The following WFS1 variants were observed in gnomAD, a reference collection of about 807,000 sequenced individuals.
The protein encoded by WFS1 is wolframin.
WFS1 carries 90 observed loss-of-function variants against 68.5 expected under a neutral mutation model. The observed-to-expected ratio is 1.31, with a 90% confidence interval of 1.11 to 1.56. The LOEUF is 1.56. WFS1 is among the 40% of genes most tolerant of loss of function. The pLI is 0.00. For synonymous variants in WFS1, 860 were observed against 540.7 expected (o/e 1.59, Z -8.19); for missense variants, 1,767 against 1,232.6 (o/e 1.43, Z -6.49).
At position 6,291,366 on chromosome 4, in the gene WFS1, C is replaced by T. The variant is rs144851092; in HGVS notation, c.630C>T (p.His210=). The T allele has an allele frequency of 1.6e-5, 26 of 1,612,162 alleles. No individual in the cohort carries two copies. The highest frequency in any genetic ancestry group is 2.0e-5 in the Non-Finnish European group (24 of 1,179,976). Residue 210 remains histidine, a splice_region_variant and synonymous_variant, in exon 5 of 8, where the codon CAC becomes CAT. Transcript: ENST00000226760. The stretch of plus-strand genomic sequence containing the variant: ...AGAATGTCGGCCAGGTCAACGAGCA[C>T]GGTGCGAGGATTCACCCTGGGCACC... ...LLENVGQVNE[H]DGGAQPGPVP...
chr4:6,275,876 T>C (rs55733627), intron 1 of WFS1, among the ~76,000 whole-genome samples: 1 of 152,064 alleles, frequency 6.6e-6, no homozygotes, highest in African/African-American at 2.4e-5. Context: ...AAGCGCTGGG[T>C]GTTCAGAGGT....
chr4:6,280,326 C>T (rs965969417), intron 2 of WFS1, among the ~76,000 whole-genome samples: 4 of 152,326 alleles, frequency 2.6e-5, no homozygotes, highest in South Asian at 2.1e-4. Context: ...GGGCAGGGGC[C>T]GTTTCTTCAC....
Position 6,277,561 on chromosome 4 carries a change from G to A in WFS1, c.106G>A (p.Glu36Lys), listed in dbSNP as rs769712303. The A allele has an allele frequency of 6.3e-7, 1 of 1,589,764 alleles. No individual in the cohort carries two copies. Among genetic ancestry groups the A allele is most frequent in the Non-Finnish European group, 8.6e-7 (1 of 1,168,686 alleles). The part of the protein sequence containing the change: ...RLNATASLEQ[E>K]RSERPRAPGP... ...CAATGCCACAGCCTCGTTGGAGCAGGAGAGGAGCGAAAGGCCCCGAGCACC... is the reference window on the plus strand; with the variant it reads ...CAATGCCACAGCCTCGTTGGAGCAGAAGAGGAGCGAAAGGCCCCGAGCACC... The change falls in exon 2 of 8, where the codon GAG (glutamate) becomes AAG (lysine). Residue 36 changes from glutamate to lysine, a missense_variant. Glu to Lys is a moderately conservative substitution (Grantham distance 56). Coordinates refer to ENST00000226760, the MANE Select transcript of WFS1 (RefSeq NM_006005.3).
rs866106349 is a variant in WFS1, at chr4:6,289,148, C to T, written c.460+17C>T. The T allele has an allele frequency of 1.3e-6, 2 of 1,565,144 alleles. No homozygotes were observed. Among genetic ancestry groups the T allele is most frequent in the Middle Eastern group, 1.8e-4 (1 of 5,612 alleles). ...ACAGAAGAGGTGGGTCTGTGTGAGG[C>T]TTAGAACAGCCTCTGGAGGGTTGAG... On this transcript the variant is annotated intron_variant, in intron 4 of 7. Transcript: ENST00000226760.
At chr4:6,291,012 T>G (rs1730445693) in intron 4 of WFS1, among the ~76,000 whole-genome samples, 185 bp from the exon 5 acceptor site, 1 of 127,440 alleles carries the variant, frequency 7.8e-6, no homozygotes, top group East Asian at 2.8e-4. Context: ...GCCTCCCAGC[T>G]GGAGAGTGGG....
intron 1 of WFS1, among the ~76,000 whole-genome samples, chr4:6,276,937 C>A (rs1314785255): frequency 6.6e-6 from 1 of 152,206 alleles, no homozygotes; most frequent in African/African-American, 2.4e-5. Flanking sequence ...TTCCTATAGG[C>A]CATCAGCTCT....
At chr4:6,275,506 C>A (rs1012690755) in intron 1 of WFS1, among the ~76,000 whole-genome samples, 1 of 151,230 alleles carries the variant, frequency 6.6e-6, no homozygotes, top group African/African-American at 2.4e-5. Flanking sequence ...AGCAGGCTCC[C>A]AAGCTTGACC....
chr4:6,294,525 G>A (rs1411174238), intron 6 of WFS1, among the ~76,000 whole-genome samples: 1 of 152,194 alleles, frequency 6.6e-6, no homozygotes, highest in Non-Finnish European at 1.5e-5. Flanking sequence ...GGATGGAGCG[G>A]TTTAGCAGGT....
Position 6,295,194 on chromosome 4 carries a change from G to A in WFS1, c.861+5G>A. 1 of 1,611,402 alleles carries A rather than the reference G, an allele frequency of 6.2e-7. No individual in the cohort carries two copies. The highest frequency in any genetic ancestry group is 8.5e-7 in the Non-Finnish European group (1 of 1,180,032). ...GACCTGCCACTGCGTCTGAAGGTGA[G>A]TGACCAAGACCCCGGTCAGGCCGGA... On this transcript the variant is annotated splice_donor_5th_base_variant and intron_variant, in intron 7 of 7. Transcript: ENST00000226760.
intron 2 of WFS1, among the ~76,000 whole-genome samples, chr4:6,280,926 C>A (rs1011981645): frequency 1.3e-4 from 20 of 152,222 alleles, no homozygotes; most frequent in African/African-American, 4.8e-4. Flanking sequence ...ACTCTCATCT[C>A]TACAAGTCTC....
intron 1 of WFS1, among the ~76,000 whole-genome samples, chr4:6,270,888 G>A (rs1003977226): frequency 1.3e-5 from 2 of 152,340 alleles, no homozygotes; most frequent in East Asian, 3.9e-4. Flanking sequence ...GCTCAGCAGG[G>A]TTTGGTGCCA....
rs761320763 is a variant in WFS1, at chr4:6,300,891, C to T, written c.1096C>T (p.Gln366Ter). The change falls in exon 8 of 8, where the codon CAG becomes TAG. Residue 366 changes from glutamine (Q) to a stop codon, truncating the protein, a stop_gained. Coordinates refer to ENST00000226760, the MANE Select transcript of WFS1 (RefSeq NM_006005.3). LOFTEE classifies it high-confidence loss of function. ...SMVICTLKVFQDSKAWENFRT... is the reference protein window; with the variant it reads ...SMVICTLKVF ...GGTGATCTGCACCCTCAAGGTGTTC[C>T]AGGACAGCAAGGCCTGGGAGAACTT... 1.2e-5 allele frequency: 20 copies of T among 1,614,032 alleles called. No homozygotes were observed. Among genetic ancestry groups the T allele is most frequent in the African/African-American group, 2.7e-5 (2 of 74,896 alleles).
rs372102462 is a variant in WFS1, at chr4:6,302,027, T to G, written c.2232T>G (p.Pro744=). The stretch of plus-strand genomic sequence containing the variant: ...GCGAGGCCTACCCTGCCTGCAGCCC[T>G]GGCAACACCTCCACGGCCGAGGAGG... ...LYGEAYPACS[P]GNTSTAEEEL... The change falls in exon 8 of 8, where the codon CCT becomes CCG. Residue 744 remains proline (P), a synonymous_variant. Coordinates refer to ENST00000226760, the MANE Select transcript of WFS1 (RefSeq NM_006005.3). 7.4e-6 allele frequency: 12 copies of G among 1,612,660 alleles called. No homozygotes were observed. Among genetic ancestry groups the G allele is most frequent in the South Asian group, 1.1e-5 (1 of 91,060 alleles).
rs1226756396 is a variant in WFS1 at position 6,302,712 on chromosome 4, CCTTT to C, written c.*247_*250del. The C allele has an allele frequency of 9.7e-6, 6 of 619,118 alleles. No homozygotes were observed. The highest frequency in any genetic ancestry group is 3.7e-5 in the African/African-American group (2 of 54,170). 38.4% of individuals were successfully genotyped at this position (619,118 alleles called of 1,614,324 possible). A position where few individuals can be genotyped will look rare whatever the true frequency, so the allele number is the denominator to read the frequency against. On this transcript the variant is annotated 3_prime_UTR_variant, in exon 8 of 8. Transcript: ENST00000226760. ...CATGCCATCTCCACCCTGAGCCTGA[CCTTT>C]CTGAGTGACATGGGTGTGCCAGGCT... is the stretch of plus-strand genomic sequence containing the variant.
Position 6,298,410 on chromosome 4 carries a change from C to T in WFS1, c.862-2247C>T, listed in dbSNP as rs150886442. On this transcript the variant is annotated intron_variant, in intron 7 of 7. Transcript: ENST00000226760. Reference sequence around the variant, plus strand: ...CCTGGCCATCTCCTGGCAGTGTGAGCGCCTCTCTGCTCATGTAGAAGGTTG... The same window carrying T: ...CCTGGCCATCTCCTGGCAGTGTGAGTGCCTCTCTGCTCATGTAGAAGGTTG... Among the ~76,000 whole-genome samples, 106 of 152,358 alleles carry T rather than the reference C, an allele frequency of 7.0e-4. 1 individual carries two copies. The Middle Eastern group carries it at 0.014, about 20-fold the overall frequency.
rs952593169 is a variant in WFS1, at chr4:6,302,727, T to G, written c.*259T>G. ...CTGAGCCTGACCTTTCTGAGTGACA[T>G]GGGTGTGCCAGGCTAGACTAGGAGG... On this transcript the variant is annotated 3_prime_UTR_variant, in exon 8 of 8. Transcript: ENST00000226760. 2.4e-5 allele frequency: 14 copies of G among 590,856 alleles called. No homozygotes were observed. The East Asian group carries it at 2.9e-4, about 12-fold the overall frequency. The allele number at this position is 590,856 out of a possible 1,614,324, so 36.6% of individuals were successfully genotyped here. A position where few individuals can be genotyped will look rare whatever the true frequency, so the allele number is the denominator to read the frequency against.
chr4:6,294,849 C>T, intron 6 of WFS1, 192 bp from the exon 7 acceptor site: 2 of 846,962 alleles, frequency 2.4e-6, no homozygotes, highest in Non-Finnish European at 3.7e-6. Context: ...CTTGGCAAAC[C>T]TGCCCCCTTC....
In WFS1 at chr4:6,302,076, G is replaced by A; in HGVS notation, c.2281G>A (p.Ala761Thr). The change falls in exon 8 of 8, where the codon GCC (alanine) becomes ACC (threonine). Residue 761 changes from alanine to threonine, a missense_variant. By Grantham distance (58) the Ala-to-Thr change is moderately conservative. Coordinates refer to ENST00000226760, the MANE Select transcript of WFS1 (RefSeq NM_006005.3). ...GGAGCTCTGTCGCCTTAAGCTGCTGGCCAAGCACCCCTGCCACATCAAGAA... is the reference window on the plus strand; with the variant it reads ...GGAGCTCTGTCGCCTTAAGCTGCTGACCAAGCACCCCTGCCACATCAAGAA... ...EEELCRLKLLAKHPCHIKKFD... is the reference protein window; with the variant it reads ...EEELCRLKLLTKHPCHIKKFD... 3 of 1,612,880 alleles carry A rather than the reference G, an allele frequency of 1.9e-6. No homozygotes were observed. The highest frequency in any genetic ancestry group is 2.2e-5 in the South Asian group (2 of 91,084).
Position 6,302,403 on chromosome 4 carries a change from ACCGTGCATGGCG to A in WFS1, c.2614_2625del (p.His872_Val875del). On this transcript the variant is annotated inframe_deletion, in exon 8 of 8. Coordinates refer to ENST00000226760, the MANE Select transcript of WFS1 (RefSeq NM_006005.3). The stretch of plus-strand genomic sequence containing the variant: ...GAAGATCGAGCACGACTGGCGCAGC[ACCGTGCATGGCG>A]CCGTGAAGTTCGCCTTCGACTTCTT... The A allele has an allele frequency of 1.2e-6, 2 of 1,613,158 alleles. No individual in the cohort carries two copies. Among genetic ancestry groups the A allele is most frequent in the Non-Finnish European group, 1.7e-6 (2 of 1,180,026 alleles).
Sources: allele counts gnomAD v4.1 joint callset (sites outside exome capture counted in the v4.1 genomes callset), GRCh38; gene constraint gnomAD v4.1.1; transcripts MANE v1.5; gene names NCBI Gene and HGNC (gene_info 2026-07-23, HGNC 2026-07-21).